SCEL: variants seen among roughly 807,000 people sequenced by gnomAD.
SCEL encodes sciellin.
In SCEL, 113 loss-of-function variants were observed where a neutral mutation model predicts 117.6. The ratio of observed to expected loss-of-function variants is 0.96; its 90% CI spans 0.83 to 1.12. The LOEUF is 1.12. Ranked by LOEUF, SCEL falls within the 50% of genes most tolerant of loss-of-function variation. SCEL has a pLI of 0.00. For synonymous variants in SCEL, 270 were observed against 256.2 expected, an observed-to-expected ratio of 1.05 and a Z score of -0.51; for missense variants, 785 against 810.8, an observed-to-expected ratio of 0.97 and a Z score of 0.39.
intron 18 of SCEL, 83 bp from the exon 19 acceptor site, chr13:77,604,273 C>A: frequency 1.2e-6 from 1 of 834,182 alleles, no homozygotes; most frequent in Non-Finnish European, 1.9e-6. Context: ...ATATTTACCA[C>A]TTCTTAATTT....
rs2089658393 is a variant in SCEL, at chr13:77,625,067, A to G, written c.1629-2880A>G. ...CAGTTCCTCTGGCATTAGCACTGGA[A>G]GGGGAATCACTTTGAGAAACAAAGT... On this transcript the variant is annotated intron_variant, in intron 27 of 32. Coordinates refer to ENST00000349847, the MANE Select transcript of SCEL (RefSeq NM_144777.3). 2.0e-5 allele frequency among the ~76,000 whole-genome samples: 3 copies of G among 152,190 alleles called. No homozygotes were observed. The South Asian group carries it at 6.2e-4, about 32-fold the overall frequency.
intron 29 of SCEL, among the ~76,000 whole-genome samples, 170 bp downstream of exon 29, chr13:77,634,620 G>A (rs2090186840): frequency 6.6e-6 from 1 of 152,088 alleles, no homozygotes; most frequent in African/African-American, 2.4e-5. Context: ...CTGATATTAT[G>A]TACTTGGGCT....
intron 9 of SCEL, among the ~76,000 whole-genome samples, chr13:77,573,518 A>T (rs1320088474): frequency 1.3e-5 from 2 of 152,210 alleles, no homozygotes; most frequent in Admixed American, 1.3e-4. Context: ...CAAGTAATGG[A>T]TATGTTTAGA....
intron 1 of SCEL, among the ~76,000 whole-genome samples, chr13:77,543,025 C>T (rs1184059113): frequency 6.6e-6 from 1 of 151,862 alleles, no homozygotes; most frequent in Non-Finnish European, 1.5e-5. Flanking sequence ...GGCAATTTGC[C>T]ACCCTGTGTC....
At chr13:77,617,397 A>AGAAAATGT (rs560664225) in intron 24 of SCEL, among the ~76,000 whole-genome samples, 82 of 152,286 alleles carry the variant, frequency 5.4e-4, no homozygotes, top group Non-Finnish European at 9.6e-4. Flanking sequence ...GGCTCTGACA[A>AGAAAATGT]GAAAATGTAT....
chr13:77,588,346 A>G (rs975725587), intron 9 of SCEL, among the ~76,000 whole-genome samples: 5 of 152,210 alleles, frequency 3.3e-5, no homozygotes, highest in Non-Finnish European at 2.9e-5. Flanking sequence ...TCTAGCCCAC[A>G]TGCCTATCTA....
intron 1 of SCEL, among the ~76,000 whole-genome samples, chr13:77,555,580 A>G (rs2084608942): frequency 6.6e-6 from 1 of 152,232 alleles, no homozygotes; most frequent in African/African-American, 2.4e-5. Flanking sequence ...TATTGATTGA[A>G]TAAATGAATT....
chr13:77,587,544 C>CCCACCAT (rs2086633958), intron 9 of SCEL, among the ~76,000 whole-genome samples: 1 of 151,538 alleles, frequency 6.6e-6, no homozygotes, highest in African/African-American at 2.4e-5. Flanking sequence ...TTTTTCTTTT[C>CCCACCAT]CCACCATCGT....
chr13:77,555,871 G>A lies in SCEL; in HGVS notation c.-5G>A, dbSNP rs1394668637. The A allele has an allele frequency of 6.2e-7, 1 of 1,611,988 alleles. No homozygotes were observed. Among genetic ancestry groups the A allele is most frequent in the African/African-American group, 1.3e-5 (1 of 74,966 alleles). On this transcript the variant is annotated 5_prime_UTR_variant, in exon 2 of 33. Coordinates refer to ENST00000349847, the MANE Select transcript of SCEL (RefSeq NM_144777.3). ...TTTTCTTTTAGGTCCTTACTGGAAG[G>A]CAGCATGTCCAATGTTACCTTGAGA...
chr13:77,568,113 G>A (rs1182936847), intron 6 of SCEL, among the ~76,000 whole-genome samples, 182 bp from the exon 7 acceptor site: 2 of 152,098 alleles, frequency 1.3e-5, no homozygotes, highest in Non-Finnish European at 2.9e-5. Flanking sequence ...AAATTCTTTG[G>A]AATCTAGTAC....
intron 19 of SCEL, 130 bp downstream of exon 19, chr13:77,604,545 C>T (rs954619576): frequency 6.7e-5 from 43 of 643,318 alleles, no homozygotes; most frequent in Non-Finnish European, 9.6e-5. Context: ...TTTCTCTAAA[C>T]ACTTCATAGT....
intron 27 of SCEL, among the ~76,000 whole-genome samples, chr13:77,626,490 A>C (rs1165756997): frequency 6.6e-6 from 1 of 152,152 alleles, no homozygotes; most frequent in Non-Finnish European, 1.5e-5. Context: ...CCCAAATACT[A>C]TCTCAAATTA....
chr13:77,627,386 T>A (rs542651933), intron 27 of SCEL, among the ~76,000 whole-genome samples: 1 of 152,276 alleles, frequency 6.6e-6, no homozygotes, highest in South Asian at 2.1e-4. Context: ...TGAAAAGAAG[T>A]CGATTAATGG....
At chr13:77,575,044 G>A (rs561049960) in intron 9 of SCEL, among the ~76,000 whole-genome samples, 38 of 152,042 alleles carry the variant, frequency 2.5e-4, no homozygotes, top group Non-Finnish European at 5.1e-4. Flanking sequence ...AAACTTCCCT[G>A]TCATCCAGGA....
intron 9 of SCEL, among the ~76,000 whole-genome samples, chr13:77,585,492 G>T (rs2086510157): frequency 6.6e-6 from 1 of 152,046 alleles, no homozygotes; most frequent in Admixed American, 6.6e-5. Context: ...TACAGCAAAA[G>T]ACACTATTTC....
At chr13:77,540,843 A>AG (rs1434319678) in intron 1 of SCEL, among the ~76,000 whole-genome samples, 1 of 152,238 alleles carries the variant, frequency 6.6e-6, no homozygotes, top group Non-Finnish European at 1.5e-5. Context: ...CTTTGGCACC[A>AG]GTGAGGAGGA....
At chr13:77,636,419 G>A (rs1298412698) in intron 29 of SCEL, among the ~76,000 whole-genome samples, 1 of 152,160 alleles carries the variant, frequency 6.6e-6, no homozygotes, top group Non-Finnish European at 1.5e-5. Flanking sequence ...AAAATCCCAA[G>A]TGAGAGCCAT....
chr13:77,571,712 C>CATATATAT (rs35655886), intron 8 of SCEL, among the ~76,000 whole-genome samples: 1,497 of 145,102 alleles, frequency 0.01, 62 homozygotes, highest in East Asian at 0.064. Flanking sequence ...AAAAATAAAA[C>CATATATAT]ATATATATAT....
At chr13:77,627,043 G>A (rs1383479924) in intron 27 of SCEL, among the ~76,000 whole-genome samples, 1 of 152,008 alleles carries the variant, frequency 6.6e-6, no homozygotes, top group Non-Finnish European at 1.5e-5. Context: ...AATCATTAAT[G>A]CAGCCCAAGA....
Sources: allele counts gnomAD v4.1 joint callset (sites outside exome capture counted in the v4.1 genomes callset), GRCh38; gene constraint gnomAD v4.1.1; transcripts MANE v1.5; gene names NCBI Gene and HGNC (gene_info 2026-07-23, HGNC 2026-07-21).